The following CEP43 variants were observed in gnomAD, a reference collection of about 807,000 sequenced individuals.
CEP43 encodes centrosomal protein 43.
A neutral mutation model predicts 52.6 loss-of-function variants in CEP43; 36 were observed. That is an observed-to-expected ratio of 0.68 (90% CI 0.52 to 0.90). CEP43 has a LOEUF of 0.90. CEP43 is among the 40% of genes least tolerant of loss of function. The pLI is 0.00. For missense variants in CEP43, 506 were observed against 472.8 expected (o/e 1.07, Z -0.65); for synonymous variants, 192 against 172.4 (o/e 1.11, Z -0.89).
intron 9 of CEP43, among the ~76,000 whole-genome samples, chr6:167,026,218 C>G (rs1780352526): frequency 6.6e-6 from 1 of 152,290 alleles, no homozygotes; most frequent in East Asian, 1.9e-4. Flanking sequence ...CAAAAATTAG[C>G]TGGGTGTGGT....
intron 7 of CEP43, 147 bp from the exon 8 acceptor site, chr6:167,022,262 A>T: frequency 5.2e-6 from 2 of 381,522 alleles, no homozygotes; most frequent in South Asian, 6.0e-5. Flanking sequence ...CTGCCCCAAC[A>T]CACACACACA....
chr6:167,036,410 A>G, intron 12 of CEP43: 2 of 985,372 alleles, frequency 2.0e-6, no homozygotes, highest in Non-Finnish European at 2.4e-6. Flanking sequence ...CAGAGGATGA[A>G]CTAGGAGCAG....
chr6:167,000,590 C>T (rs1452975082), intron 2 of CEP43, among the ~76,000 whole-genome samples: 1 of 152,186 alleles, frequency 6.6e-6, no homozygotes, highest in African/African-American at 2.4e-5. Flanking sequence ...TTTTCGGAGT[C>T]CCACCAACCA....
chr6:167,026,720 C>G (rs1177417270), intron 10 of CEP43, 105 bp downstream of exon 10: 1 of 693,080 alleles, frequency 1.4e-6, no homozygotes, highest in Non-Finnish European at 2.6e-6. Context: ...CACCTTCCTG[C>G]TGCTGCTCAT....
chr6:167,028,737 G>T (rs1780405536), intron 10 of CEP43, among the ~76,000 whole-genome samples: 1 of 152,092 alleles, frequency 6.6e-6, no homozygotes, highest in Admixed American at 6.6e-5. Context: ...CTTGCCCAAG[G>T]TCATGCTGCT....
chr6:167,036,572 G>A (rs1243255180), intron 12 of CEP43: 55 of 985,390 alleles, frequency 5.6e-5, no homozygotes, highest in Non-Finnish European at 6.4e-5. Context: ...TTCAGCAAAC[G>A]TGAACATTTA....
chr6:167,017,858 G>A (rs1375065350), intron 7 of CEP43, among the ~76,000 whole-genome samples: 1 of 152,054 alleles, frequency 6.6e-6, no homozygotes, highest in Non-Finnish European at 1.5e-5. Flanking sequence ...CTGTGCAATA[G>A]GTCCCTCACT....
intron 2 of CEP43, 37 bp from the exon 3 acceptor site, chr6:167,003,156 T>C (rs201343686): frequency 1.1e-6 from 1 of 951,614 alleles, no homozygotes; most frequent in East Asian, 2.6e-5. Flanking sequence ...GTTTTTAGGG[T>C]AAACACATGA....
Position 167,013,547 on chromosome 6 carries a change from G to A in CEP43, c.559G>A (p.Gly187Arg), listed in dbSNP as rs377486279. Residue 187 changes from glycine (G) to arginine (R), a missense_variant, in exon 7 of 13, where the codon GGG becomes AGG. Gly to Arg is a moderately radical substitution (Grantham distance 125, BLOSUM62 -2). Transcript: ENST00000366847. The stretch of plus-strand genomic sequence containing the variant: ...AGGACAAGGTAAGAAGAAGACAAGC[G>A]GGCAGAAGGCTGGTGACAAGGTAAC... ...YKGQGKKKTS[G>R]QKAGDKKAND... 1.1e-5 allele frequency: 18 copies of A among 1,613,540 alleles called. No individual in the cohort carries two copies. The highest frequency in any genetic ancestry group is 3.3e-5 in the South Asian group (3 of 91,036).
intron 5 of CEP43, among the ~76,000 whole-genome samples, chr6:167,004,987 G>A (rs528956704): frequency 1.3e-5 from 2 of 152,048 alleles, no homozygotes; most frequent in Non-Finnish European, 2.9e-5. Flanking sequence ...TAGAAATTGT[G>A]CTAATGAGAT....
intron 8 of CEP43, among the ~76,000 whole-genome samples, chr6:167,023,960 G>A (rs1023112849): frequency 1.3e-5 from 2 of 152,166 alleles, no homozygotes; most frequent in Non-Finnish European, 2.9e-5. Flanking sequence ...GTGGCTGGAG[G>A]GGCAGGATTT....
intron 8 of CEP43, among the ~76,000 whole-genome samples, chr6:167,024,390 G>A (rs1780306977): frequency 6.6e-6 from 1 of 152,188 alleles, no homozygotes; most frequent in Non-Finnish European, 1.5e-5. Flanking sequence ...CATCAGCATG[G>A]CTGTTAGTGG....
At chr6:167,038,704 T>TCGC (rs1780631927) in intron 12 of CEP43, among the ~76,000 whole-genome samples, 1 of 152,232 alleles carries the variant, frequency 6.6e-6, no homozygotes, top group Admixed American at 6.5e-5. Flanking sequence ...GTAGACATGA[T>TCGC]TTTAGGCAAA....
chr6:167,024,703 C>CTTT (rs1229513930), intron 8 of CEP43, 79 bp from the exon 9 acceptor site: 1 of 942,668 alleles, frequency 1.1e-6, no homozygotes, highest in Admixed American at 2.2e-5. Context: ...CTTTAAGTTG[C>CTTT]TTTTGTTTCT....
rs35469394 is a variant in CEP43, at chr6:167,032,519, A to AT, written c.989-76dup. 4.9e-5 allele frequency: 62 copies of AT among 1,262,502 alleles called. 1 individual carries two copies. Among genetic ancestry groups the AT allele is most frequent in the South Asian group, 1.3e-4 (7 of 53,506 alleles). The allele number at this position is 1,262,502 out of a possible 1,614,324, so 78.2% of individuals were successfully genotyped here. A position where few individuals can be genotyped will look rare whatever the true frequency, so the allele number is the denominator to read the frequency against. On this transcript the variant is annotated intron_variant, in intron 10 of 12. Transcript: ENST00000366847. ...CTTTTTAAATGATGCAATATAATTA[A>AT]TTTTTTTTAAGGAAATGTGTGTTTA...
rs1562530107 is a variant in CEP43, at chr6:167,024,892, A to T, written c.917A>T (p.Glu306Val). Residue 306 changes from glutamate (E) to valine (V), a missense_variant and splice_region_variant, in exon 9 of 13, where the codon GAG (glutamate) becomes GTG (valine). By Grantham distance (121) the Glu-to-Val change is moderately radical. Transcript: ENST00000366847. Reference protein sequence around the residue: ...LAGAPSLKDSESKRGNTVLKD... With the variant: ...LAGAPSLKDSVSKRGNTVLKD... ...GGAGCCCCTTCTTTAAAAGACTCTG[A>T]GAGTAAGTGCCCAAAGATGTGGACT... The T allele has an allele frequency of 5.2e-6, 8 of 1,551,184 alleles. No individual in the cohort carries two copies. Among genetic ancestry groups the T allele is most frequent in the Non-Finnish European group, 7.1e-6 (8 of 1,125,828 alleles).
chr6:167,014,033 C>T (rs1001529567), intron 7 of CEP43, among the ~76,000 whole-genome samples: 1 of 152,110 alleles, frequency 6.6e-6, no homozygotes, highest in Non-Finnish European at 1.5e-5. Context: ...CAGTTTTTAT[C>T]CAGGTGAAAA....
intron 6 of CEP43, among the ~76,000 whole-genome samples, chr6:167,012,194 C>T (rs996810717): frequency 1.3e-5 from 2 of 152,138 alleles, no homozygotes; most frequent in East Asian, 1.9e-4. Flanking sequence ...CATTGCTGAA[C>T]GATTGCTGTT....
Position 167,049,904 on chromosome 6 carries a change from T to G in CEP43, c.*9926T>G, listed in dbSNP as rs1397877365. On this transcript the variant is annotated 3_prime_UTR_variant, in exon 13 of 13. Coordinates refer to ENST00000366847, the MANE Select transcript of CEP43 (RefSeq NM_007045.4). ...TCTCTCTCTTTTTAGATATAGACATTCTGGCAGGTGTGACATTGTATCTCT... is the reference window on the plus strand; with the variant it reads ...TCTCTCTCTTTTTAGATATAGACATGCTGGCAGGTGTGACATTGTATCTCT... 2 of 152,248 alleles carry G rather than the reference T, an allele frequency of 1.3e-5. No homozygotes were observed. The highest frequency in any genetic ancestry group is 2.9e-5 in the Non-Finnish European group (2 of 68,046). The allele number at this position is 152,248 out of a possible 1,614,324, so 9.4% of individuals were successfully genotyped here.
Sources: gnomAD v4.1 joint callset for allele counts (sites outside exome capture counted in the v4.1 genomes callset) on GRCh38, gnomAD v4.1.1 for gene constraint, MANE v1.5 for transcripts, NCBI Gene and HGNC (gene_info 2026-07-23, HGNC 2026-07-21) for gene names.